The following GSKIP variants were observed in gnomAD, a reference collection of about 807,000 sequenced individuals.
GSKIP encodes the protein GSK3B interacting protein, also known as GSK3B-interacting protein.
In GSKIP, 5 loss-of-function variants were observed where a neutral mutation model predicts 11.9. The observed-to-expected ratio is 0.42, with a 90% CI of 0.22 to 0.89. The LOEUF is 0.89. Among genes scored for constraint, GSKIP ranks in the 40% least tolerant of loss-of-function variants. The pLI is 0.29. For missense variants in GSKIP, 150 were observed against 166.6 expected (o/e 0.90, Z 0.55); for synonymous variants, 70 against 62.9 (o/e 1.11, Z -0.54).
intron 1 of GSKIP, among the ~76,000 whole-genome samples, chr14:96,367,031 C>G (rs1159790621): frequency 6.6e-6 from 1 of 152,216 alleles, no homozygotes; most frequent in African/African-American, 2.4e-5. Flanking sequence ...CAATCCCCCA[C>G]ATAATGTAAA....
Position 96,382,436 on chromosome 14 carries a change from G to C in GSKIP, c.189G>C (p.Val63=). 1 of 1,612,568 alleles carries C rather than the reference G, an allele frequency of 6.2e-7. No individual in the cohort carries two copies. Residue 63 remains valine, a synonymous_variant, in exon 3 of 4, where the codon GTG becomes GTC. Transcript: ENST00000555181. ...AAAGCCTGCGGTGTGCGGATGATGTGGCCTATATCAATGTGGAAACAAAGG... is the reference window on the plus strand; with the variant it reads ...AAAGCCTGCGGTGTGCGGATGATGTCGCCTATATCAATGTGGAAACAAAGG... The part of the protein sequence containing the change: ...VSKSLRCADD[V]AYINVETKER...
intron 1 of GSKIP, among the ~76,000 whole-genome samples, chr14:96,377,932 AAGC>A (rs1355200470): frequency 1.3e-5 from 2 of 152,238 alleles, no homozygotes; most frequent in Non-Finnish European, 2.9e-5. Flanking sequence ...TTAAAATACA[AAGC>A]ATGAAACCTA....
intron 1 of GSKIP, among the ~76,000 whole-genome samples, chr14:96,376,938 T>C (rs1479736821): frequency 6.6e-6 from 1 of 152,242 alleles, no homozygotes; most frequent in Non-Finnish European, 1.5e-5. Context: ...CAATGATGAT[T>C]GATTCCTTTA....
At chr14:96,369,346 A>C (rs1220489380) in intron 1 of GSKIP, among the ~76,000 whole-genome samples, 3 of 152,248 alleles carry the variant, frequency 2.0e-5, no homozygotes, top group Non-Finnish European at 4.4e-5. Context: ...CCTTGTGTTA[A>C]AGAAGGAAAG....
chr14:96,366,506 T>G (rs1888888135), intron 1 of GSKIP, among the ~76,000 whole-genome samples: 1 of 152,228 alleles, frequency 6.6e-6, no homozygotes, highest in African/African-American at 2.4e-5. Context: ...GGGTACAAAC[T>G]CATCTCAAAT....
In GSKIP at chr14:96,369,819, G is replaced by A. The variant is rs977282664; in HGVS notation, c.-103+6251G>A. Among the ~76,000 whole-genome samples, 9 of 152,114 alleles carry A rather than the reference G, an allele frequency of 5.9e-5. No homozygotes were observed. The East Asian group carries it at 1.7e-3, about 29-fold the overall frequency. On this transcript the variant is annotated intron_variant, in intron 1 of 3. Transcript: ENST00000555181. Reference sequence around the variant, plus strand: ...AGCAGAAATGTGGTGTTGGAGCCCCGATGGAGAGTCTCCACTGGGGTATTG... The same window carrying A: ...AGCAGAAATGTGGTGTTGGAGCCCCAATGGAGAGTCTCCACTGGGGTATTG...
intron 1 of GSKIP, among the ~76,000 whole-genome samples, chr14:96,370,193 C>G (rs1420486796): frequency 6.6e-6 from 1 of 152,220 alleles, no homozygotes. Context: ...CATTGTGTAT[C>G]TTGGAAGTAA....
At chr14:96,372,930 CA>C (rs1360879838) in intron 1 of GSKIP, among the ~76,000 whole-genome samples, 2 of 152,004 alleles carry the variant, frequency 1.3e-5, no homozygotes, top group African/African-American at 4.8e-5. Flanking sequence ...AAAGAACTAC[CA>C]AAAAGAATGA....
intron 1 of GSKIP, among the ~76,000 whole-genome samples, chr14:96,377,322 G>A (rs1243238617): frequency 6.6e-6 from 1 of 152,178 alleles, no homozygotes; most frequent in East Asian, 1.9e-4. Flanking sequence ...TACAAAAAGG[G>A]AAAGCAAAGA....
intron 1 of GSKIP, chr14:96,364,251 G>A (rs1323150068): frequency 2.0e-5 from 3 of 152,236 alleles, no homozygotes; most frequent in Non-Finnish European, 4.4e-5. Flanking sequence ...TGGCCCAGAA[G>A]CCAGATGTCC....
chr14:96,383,980 GA>G (rs1889418021), intron 3 of GSKIP, among the ~76,000 whole-genome samples: 1 of 152,096 alleles, frequency 6.6e-6, no homozygotes, highest in African/African-American at 2.4e-5. Flanking sequence ...TCTTAAATGT[GA>G]ATTTAAGTGA....
At chr14:96,374,096 T>C (rs1595348034) in intron 1 of GSKIP, among the ~76,000 whole-genome samples, 1 of 152,290 alleles carries the variant, frequency 6.6e-6, no homozygotes, top group Admixed American at 6.5e-5. Context: ...GGCTGTATTT[T>C]ATATGTTCAA....
intron 1 of GSKIP, among the ~76,000 whole-genome samples, chr14:96,370,974 T>C (rs1889031519): frequency 6.6e-6 from 1 of 152,198 alleles, no homozygotes; most frequent in Non-Finnish European, 1.5e-5. Flanking sequence ...AGAGTATAAA[T>C]GGGAAAATAG....
At chr14:96,385,353 C>CT (rs1889460316) in intron 3 of GSKIP, among the ~76,000 whole-genome samples, 170 bp from the exon 4 acceptor site, 1 of 152,136 alleles carries the variant, frequency 6.6e-6, no homozygotes, top group African/African-American at 2.4e-5. Flanking sequence ...TGTGTATACT[C>CT]TGACTTTGAG....
intron 1 of GSKIP, among the ~76,000 whole-genome samples, chr14:96,376,725 C>G (rs1266590739): frequency 6.6e-6 from 1 of 152,076 alleles, no homozygotes; most frequent in Non-Finnish European, 1.5e-5. Flanking sequence ...AATATTTGTG[C>G]AAATATTTCA....
chr14:96,385,439 G>T, intron 3 of GSKIP, 84 bp from the exon 4 acceptor site: 1 of 1,026,278 alleles, frequency 9.7e-7, no homozygotes, highest in Non-Finnish European at 1.4e-6. Flanking sequence ...TTTTTGAAAG[G>T]ATGATTACTC....
chr14:96,372,179 C>T (rs1889065568), intron 1 of GSKIP, among the ~76,000 whole-genome samples: 1 of 152,134 alleles, frequency 6.6e-6, no homozygotes, highest in Non-Finnish European at 1.5e-5. Context: ...TGTCCTGAGT[C>T]TTTGTATACT....
At chr14:96,371,239 G>A (rs1889037973) in intron 1 of GSKIP, among the ~76,000 whole-genome samples, 1 of 152,212 alleles carries the variant, frequency 6.6e-6, no homozygotes, top group South Asian at 2.1e-4. Context: ...CAGAACTCTT[G>A]TTTTATTTGT....
At position 96,385,558 on chromosome 14, in the gene GSKIP, T is replaced by C. The variant is rs759155039; in HGVS notation, c.294T>C (p.His98=). 6 of 1,612,746 alleles carry C rather than the reference T, an allele frequency of 3.7e-6. No homozygotes were observed. The highest frequency in any genetic ancestry group is 5.1e-6 in the Non-Finnish European group (6 of 1,179,250). The change falls in exon 4 of 4, where the codon CAT becomes CAC. Residue 98 remains histidine (H), a synonymous_variant. Transcript: ENST00000555181. ...VGYAFDQVDD[H]LQTPYHETVY... is the part of the protein sequence containing the mutation. ...ATGCTTTTGACCAGGTAGATGATCA[T>C]TTACAGACTCCCTACCATGAAACAG...
Sources: gnomAD v4.1 joint callset for allele counts (sites outside exome capture counted in the v4.1 genomes callset) on GRCh38, gnomAD v4.1.1 for gene constraint, MANE v1.5 for transcripts, NCBI Gene and HGNC (gene_info 2026-07-23, HGNC 2026-07-21) for gene names.